MGST1: variants seen among roughly 807,000 people sequenced by gnomAD.
The protein encoded by MGST1 is glutathione S-transferase 12.
MGST1 carries 5 observed loss-of-function variants against 8.9 expected under a neutral mutation model. That is an observed-to-expected ratio of 0.56 (90% CI 0.29 to 1.19). MGST1 has a LOEUF of 1.19. Ranked by LOEUF, MGST1 falls within the 50% of genes most tolerant of loss-of-function variation. The pLI is 0.08. For synonymous variants in MGST1, 54 were observed against 67.8 expected (o/e 0.80, Z 1.00); for missense variants, 182 against 187.4 (o/e 0.97, Z 0.17).
Position 16,401,857 on chromosome 12 carries a change from T to C in MGST1, n.778+18253T>C. On this transcript the variant is annotated intron_variant and non_coding_transcript_variant, in intron 1 of 1. Transcript: ENST00000359720. This position sits in a 1 kb window ranked among gnomAD's most constrained non-coding sequence, Gnocchi z 4.3. ...AATTTGTTGAAGACTTCAGAAGTGA[T>C]GCCAGCTGCTTTCTTCATTAATTTG... 6.2e-7 allele frequency: 1 copy of C among 1,605,050 alleles called. No individual in the cohort carries two copies. The highest frequency in any genetic ancestry group is 8.5e-7 in the Non-Finnish European group (1 of 1,171,678).
At chr12:16,350,339 A>G (rs901887964) in intron 1 of MGST1, among the ~76,000 whole-genome samples, 34 of 152,248 alleles carry the variant, frequency 2.2e-4, no homozygotes, top group African/African-American at 8.0e-4. Flanking sequence ...AATGGAGAAT[A>G]TAATGAGCAA....
At chr12:16,563,887 G>A (rs1273955276) in intron 4 of MGST1, among the ~76,000 whole-genome samples, 1 of 152,156 alleles carries the variant, frequency 6.6e-6, no homozygotes, top group African/African-American at 2.4e-5. Context: ...ATGTCTTATA[G>A]ATTATTAAAT....
chr12:16,476,196 G>A (rs1174228536), intron 4 of MGST1, among the ~76,000 whole-genome samples: 1 of 152,160 alleles, frequency 6.6e-6, no homozygotes, highest in Admixed American at 6.6e-5. Flanking sequence ...GTGCAGATAA[G>A]ACTCCTCACA....
chr12:16,545,276 G>A (rs1941816351), intron 4 of MGST1, among the ~76,000 whole-genome samples: 1 of 152,014 alleles, frequency 6.6e-6, no homozygotes, highest in South Asian at 2.1e-4. Context: ...GTATTTATTA[G>A]GGTTGTATGT....
At chr12:16,583,145 A>G (rs1367291815) in intron 4 of MGST1, among the ~76,000 whole-genome samples, 1 of 152,166 alleles carries the variant, frequency 6.6e-6, no homozygotes, top group African/African-American at 2.4e-5. Context: ...TTAAAAGAGA[A>G]GAGAGACTGT....
chr12:16,532,952 G>C (rs1006903092), intron 4 of MGST1, among the ~76,000 whole-genome samples: 2 of 152,010 alleles, frequency 1.3e-5, no homozygotes, highest in Non-Finnish European at 2.9e-5. Context: ...TATTAACAAA[G>C]CTAATAAGAA....
intron 4 of MGST1, among the ~76,000 whole-genome samples, chr12:16,472,070 C>A (rs1409732417): frequency 6.6e-6 from 1 of 152,130 alleles, no homozygotes; most frequent in Non-Finnish European, 1.5e-5. Context: ...TAGTTCCTTC[C>A]TTACCTGTCC....
intron 4 of MGST1, among the ~76,000 whole-genome samples, chr12:16,569,002 T>G (rs1942717585): frequency 6.6e-6 from 1 of 152,206 alleles, no homozygotes; most frequent in Non-Finnish European, 1.5e-5. Flanking sequence ...TCATTATAGC[T>G]CTCTCATAAT....
At position 16,458,768 on chromosome 12, in the gene MGST1, G is replaced by T. The variant is rs919156798; in HGVS notation, n.482+75164G>T. ...GGAATTGCAGCTTGCCTGCTGCAGT[G>T]CTTTGCAGTTATTCGGAATTTTTAT... On this transcript the variant is annotated intron_variant and non_coding_transcript_variant, in intron 4 of 4. Coordinates refer to the MGST1 transcript ENST00000538857. This position sits in a 1 kb window ranked among gnomAD's most constrained non-coding sequence, Gnocchi z 4.0. 6.6e-5 allele frequency among the ~76,000 whole-genome samples: 10 copies of T among 152,030 alleles called. No individual in the cohort carries two copies. The highest frequency in any genetic ancestry group is 2.4e-4 in the African/African-American group (10 of 41,440).
chr12:16,394,529 T>TCC (rs1491159586), intron 1 of MGST1, among the ~76,000 whole-genome samples: 1 of 37,938 alleles, frequency 2.6e-5, no homozygotes, highest in Admixed American at 4.6e-4. Flanking sequence ...TTTCTTTCTT[T>TCC]CTTTCTTTCT....
intron 4 of MGST1, among the ~76,000 whole-genome samples, chr12:16,450,490 G>A (rs1941120230): frequency 6.6e-6 from 1 of 151,968 alleles, no homozygotes; most frequent in Non-Finnish European, 1.5e-5. Flanking sequence ...CTCAAGAGCA[G>A]AGCCTTGATA....
At chr12:16,562,773 A>G (rs958409009) in intron 4 of MGST1, among the ~76,000 whole-genome samples, 2 of 152,234 alleles carry the variant, frequency 1.3e-5, no homozygotes, top group African/African-American at 2.4e-5. Context: ...CTCTGGGTTA[A>G]TAACAGACAA....
chr12:16,577,560 A>T (rs976912502), intron 4 of MGST1, among the ~76,000 whole-genome samples: 2 of 152,196 alleles, frequency 1.3e-5, no homozygotes, highest in African/African-American at 4.8e-5. Flanking sequence ...GATGTTGTAT[A>T]TAATAAAACA....
At chr12:16,532,336 A>T (rs1941728258) in intron 4 of MGST1, among the ~76,000 whole-genome samples, 1 of 152,072 alleles carries the variant, frequency 6.6e-6, no homozygotes, top group Non-Finnish European at 1.5e-5. Flanking sequence ...AAGTTGTTTC[A>T]TTCCCTCTGA....
chr12:16,355,375 A>C (rs796710213), intron 2 of MGST1, among the ~76,000 whole-genome samples: 20 of 151,646 alleles, frequency 1.3e-4, no homozygotes, highest in African/African-American at 4.8e-4. Context: ...GGCCCAGTTG[A>C]TTTTTGTGTT....
chr12:16,361,486 A>T lies in MGST1; in HGVS notation c.222-2309A>T, dbSNP rs1939994760. Among the ~76,000 whole-genome samples, 1 of 152,210 alleles carries T rather than the reference A, an allele frequency of 6.6e-6. No homozygotes were observed. Among genetic ancestry groups the T allele is most frequent in the South Asian group, 2.1e-4 (1 of 4,830 alleles). On this transcript the variant is annotated intron_variant, in intron 3 of 3. Transcript: ENST00000396210. This position sits in a 1 kb window ranked among gnomAD's most constrained non-coding sequence, Gnocchi z 4.2. ...GAAGAAGGGTAATAGACCCAGGTAG[A>T]AAGTGGACTCTTAGGAAGACTGATG...
At chr12:16,446,183 C>T (rs1279895868) in intron 4 of MGST1, among the ~76,000 whole-genome samples, 3 of 151,948 alleles carry the variant, frequency 2.0e-5, no homozygotes, top group African/African-American at 7.2e-5. Flanking sequence ...GAATTAGTGC[C>T]CATGTCCAAA....
chr12:16,381,122 G>C (rs893769954), downstream of MGST1, among the ~76,000 whole-genome samples: 3 of 152,118 alleles, frequency 2.0e-5, no homozygotes, highest in African/African-American at 7.2e-5. Context: ...TTTAATTGGA[G>C]CATTTAGCCC....
At chr12:16,504,442 TA>T (rs372907743) in intron 4 of MGST1, among the ~76,000 whole-genome samples, 173 of 152,252 alleles carry the variant, frequency 1.1e-3, no homozygotes, top group African/African-American at 4.1e-3. Flanking sequence ...AAATTGCCTT[TA>T]GGGGGGACTT....
Sources: allele counts gnomAD v4.1 joint callset (sites outside exome capture counted in the v4.1 genomes callset), GRCh38; gene constraint gnomAD v4.1.1; non-coding constraint Gnocchi (gnomAD v3.1); transcripts MANE v1.5; gene names NCBI Gene and HGNC (gene_info 2026-07-23, HGNC 2026-07-21).